C22orf31: variants seen among roughly 807,000 people sequenced by gnomAD.
C22orf31 encodes the protein chromosome 22 open reading frame 31.
Under a neutral mutation model 15.0 loss-of-function variants are expected in C22orf31, and 11 were observed. The observed-to-expected ratio is 0.73, with a 90% CI of 0.46 to 1.21. The LOEUF is 1.21. Ranked by LOEUF, C22orf31 falls within the 50% of genes most tolerant of loss-of-function variation. C22orf31 has a pLI of 0.00. For synonymous variants in C22orf31, 132 were observed against 133.3 expected, an observed-to-expected ratio of 0.99 and a Z score of 0.07; for missense variants, 340 against 347.2, an observed-to-expected ratio of 0.98 and a Z score of 0.17.
chr22:29,068,116 C>T, the C22orf31 span, among the ~76,000 whole-genome samples: 18 of 145,428 alleles, frequency 1.2e-4, no homozygotes, highest in African/African-American at 3.6e-4. Flanking sequence ...CAGAGTCTCA[C>T]TCTTGCCTGG....
At chr22:29,065,965 C>T (rs532452598), upstream of C22orf31, among the ~76,000 whole-genome samples, 16 of 152,288 alleles carry the variant, frequency 1.1e-4, no homozygotes, top group African/African-American at 3.4e-4. Flanking sequence ...TCTAAACCAC[C>T]GCTTCTATTT....
At chr22:29,059,984 G>A in intron 2 of C22orf31, 2 of 969,036 alleles carry the variant, frequency 2.1e-6, no homozygotes, top group African/African-American at 1.8e-5. Flanking sequence ...TTCAACTTTA[G>A]GATTTCCTTC....
chr22:29,069,127 C>T, the C22orf31 span, among the ~76,000 whole-genome samples: 2 of 152,122 alleles, frequency 1.3e-5, no homozygotes, highest in Admixed American at 6.5e-5. Flanking sequence ...AGCTCTAACA[C>T]GATGTCACCT....
rs2037377402 is a variant in C22orf31, at chr22:29,060,398, C to T, written c.432+17G>A. 3.1e-6 allele frequency: 5 copies of T among 1,600,414 alleles called. No individual in the cohort carries two copies. Among genetic ancestry groups the T allele is most frequent in the Non-Finnish European group, 4.3e-6 (5 of 1,173,980 alleles). ...CCCTCGCCAGTCACATTTTCCCCAC[C>T]ACTGGTCCTCGTCTACCTCTCTGAT... is the stretch of plus-strand genomic sequence containing the variant. On this transcript the variant is annotated intron_variant, in intron 2 of 2. Transcript: ENST00000216071.
chr22:29,062,738 A>G (rs1035923673), upstream of C22orf31, among the ~76,000 whole-genome samples: 2 of 152,016 alleles, frequency 1.3e-5, no homozygotes, highest in Non-Finnish European at 2.9e-5. Flanking sequence ...GGCGGACCGC[A>G]CCACAGGCTG....
chr22:29,068,014 T>C, the C22orf31 span, among the ~76,000 whole-genome samples: 1 of 151,690 alleles, frequency 6.6e-6, no homozygotes, highest in Non-Finnish European at 1.5e-5. Flanking sequence ...TTCGAGGCTG[T>C]AGTGTGCCAT....
At chr22:29,073,744 G>T in the C22orf31 span, among the ~76,000 whole-genome samples, 1 of 149,744 alleles carries the variant, frequency 6.7e-6, no homozygotes, top group South Asian at 2.1e-4. This position sits in a 1 kb window ranked among gnomAD's most constrained non-coding sequence, Gnocchi z 4.4. Flanking sequence ...CTCCCCACGG[G>T]CCAGGAGGCC....
chr22:29,063,094 A>G (rs1308344530), upstream of C22orf31, among the ~76,000 whole-genome samples: 3 of 152,058 alleles, frequency 2.0e-5, no homozygotes, highest in African/African-American at 7.2e-5. Flanking sequence ...CTCCTTCTCC[A>G]TCTTGAGTTT....
intron 1 of C22orf31, 21 bp downstream of exon 1, chr22:29,061,769 A>G (rs778358110): frequency 2.6e-6 from 4 of 1,519,806 alleles, no homozygotes; most frequent in South Asian, 1.2e-5. Flanking sequence ...AATGTCATCT[A>G]TAGAAATAAA....
the C22orf31 span, among the ~76,000 whole-genome samples, chr22:29,068,236 G>A: frequency 3.2e-3 from 479 of 150,904 alleles, 3 homozygotes; most frequent in Non-Finnish European, 4.4e-3. Context: ...CGCATGCCCT[G>A]ACACCTGGCT....
chr22:29,070,476 A>C, the C22orf31 span, among the ~76,000 whole-genome samples: 1 of 152,108 alleles, frequency 6.6e-6, no homozygotes, highest in Non-Finnish European at 1.5e-5. Flanking sequence ...TTTGTTTCCA[A>C]CCTCCTGGGT....
At chr22:29,059,663 G>A (rs2037361397) in intron 2 of C22orf31, 1 of 984,002 alleles carries the variant, frequency 1.0e-6, no homozygotes, top group East Asian at 1.1e-4. Context: ...TGGCCTGCTG[G>A]CCACCACGGG....
At chr22:29,059,602 T>C (rs577107344) in intron 2 of C22orf31, 673 of 747,126 alleles carry the variant, frequency 9.0e-4, no homozygotes, top group Non-Finnish European at 1.0e-3. Flanking sequence ...ACAAAGAAAT[T>C]AAGCCCGAGG....
chr22:29,060,021 CTTTTTTTT>C (rs60208241), intron 2 of C22orf31: 10 of 541,654 alleles, frequency 1.8e-5, no homozygotes, highest in East Asian at 1.8e-4. Flanking sequence ...TTTTTCTTTT[CTTTTTTTT>C]TTTTTTTTTT....
chr22:29,068,231 G>A, the C22orf31 span, among the ~76,000 whole-genome samples: 1 of 151,558 alleles, frequency 6.6e-6, no homozygotes, highest in Non-Finnish European at 1.5e-5. Flanking sequence ...ATAGGCGCAT[G>A]CCCTGACACC....
chr22:29,071,986 C>G, the C22orf31 span, among the ~76,000 whole-genome samples: 2 of 152,140 alleles, frequency 1.3e-5, no homozygotes, highest in Non-Finnish European at 2.9e-5. Context: ...TCAGACAGAT[C>G]AGGAAAGTTG....
chr22:29,059,092 G>T lies in C22orf31; in HGVS notation c.523C>A (p.Pro175Thr), dbSNP rs760873872. Reference sequence around the variant, plus strand: ...CAGGCTGCTGTCCCACTGTCCTGGGGTAGCGCTTGGGTGGCAGCCACATGT... The same window carrying T: ...CAGGCTGCTGTCCCACTGTCCTGGGTTAGCGCTTGGGTGGCAGCCACATGT... The part of the protein sequence containing the change: ...AEHVAATQAL[P>T]QDSGTAAWKG... The change falls in exon 3 of 3, where the codon CCC becomes ACC. Residue 175 changes from proline to threonine, a missense_variant. By Grantham distance (38) the Pro-to-Thr change is conservative (BLOSUM62 -1). Coordinates refer to ENST00000216071, the MANE Select transcript of C22orf31 (RefSeq NM_015370.2). The T allele has an allele frequency of 6.2e-7, 1 of 1,614,134 alleles. No homozygotes were observed. Among genetic ancestry groups the T allele is most frequent in the South Asian group, 1.1e-5 (1 of 91,078 alleles).
the C22orf31 span, among the ~76,000 whole-genome samples, chr22:29,069,098 C>G: frequency 6.6e-6 from 1 of 152,230 alleles, no homozygotes; most frequent in African/African-American, 2.4e-5. Flanking sequence ...TAGGGTTCCA[C>G]TGCCTGGGTT....
At chr22:29,067,062 T>C in the C22orf31 span, among the ~76,000 whole-genome samples, 3 of 152,174 alleles carry the variant, frequency 2.0e-5, no homozygotes, top group South Asian at 6.2e-4. Context: ...GACTCAGTAA[T>C]GATACAGTGC....
Sources: gnomAD v4.1 joint callset for allele counts (sites outside exome capture counted in the v4.1 genomes callset) on GRCh38, gnomAD v4.1.1 for gene constraint, Gnocchi (gnomAD v3.1) non-coding constraint, MANE v1.5 for transcripts, NCBI Gene and HGNC (gene_info 2026-07-23, HGNC 2026-07-21) for gene names.